CTF1: variants seen among roughly 807,000 people sequenced by gnomAD.
CTF1 encodes cardiotrophin 1, also known as cardiotrophin-1.
A neutral mutation model predicts 10.9 loss-of-function variants in CTF1; 9 were observed. That is an observed-to-expected ratio of 0.83 (90% CI 0.50 to 1.44). The LOEUF is 1.44. Among genes scored for constraint, CTF1 ranks in the 40% most tolerant of loss-of-function variants. CTF1 has a pLI of 0.00. For synonymous variants in CTF1, 133 were observed against 138.8 expected (o/e 0.96, Z 0.29); for missense variants, 259 against 275.3 (o/e 0.94, Z 0.42).
chr16:30,897,612 T>C (rs2055365403), intron 1 of CTF1, among the ~76,000 whole-genome samples: 1 of 152,128 alleles, frequency 6.6e-6, no homozygotes, highest in Non-Finnish European at 1.5e-5. Context: ...GGTCAACAGG[T>C]GGACCGCACA....
intron 1 of CTF1, among the ~76,000 whole-genome samples, chr16:30,897,356 A>G (rs1415493445): frequency 6.6e-6 from 1 of 152,192 alleles, no homozygotes; most frequent in Non-Finnish European, 1.5e-5. Flanking sequence ...GCACATTTTG[A>G]TATGAAGTTC....
Position 30,899,402 on chromosome 16 carries a change from C to G in CTF1, c.26-13C>G, listed in dbSNP as rs200729865. The G allele has an allele frequency of 1.9e-5, 30 of 1,554,272 alleles. No individual in the cohort carries two copies. Among genetic ancestry groups the G allele is most frequent in the African/African-American group, 1.2e-4 (9 of 73,570 alleles). ...AGGTTGGCCATCCTCATTCCTCCCC[C>G]CTTTCCCACCAGAAGACCCCCAGAC... On this transcript the variant is annotated splice_polypyrimidine_tract_variant and intron_variant, in intron 1 of 2. Coordinates refer to ENST00000279804, the MANE Select transcript of CTF1 (RefSeq NM_001330.5).
intron 2 of CTF1, among the ~76,000 whole-genome samples, chr16:30,900,253 C>T (rs970602312): frequency 6.6e-6 from 1 of 152,198 alleles, no homozygotes; most frequent in Admixed American, 6.5e-5. Flanking sequence ...TCACAGAAGA[C>T]AGGGATCTGC....
At chr16:30,896,511 A>T, upstream of CTF1, 1 of 829,066 alleles carries the variant, frequency 1.2e-6, no homozygotes, top group South Asian at 6.0e-5. Context: ...CCTGTCTCAA[A>T]AGGGGGGGTA....
In CTF1 at chr16:30,899,433, C is replaced by A; in HGVS notation, c.44C>A (p.Ser15Tyr). The change falls in exon 2 of 3, where the codon TCC (serine) becomes TAC (tyrosine). Residue 15 changes from serine (S) to tyrosine (Y), a missense_variant. Physicochemically the swap from Ser to Tyr is moderately radical, Grantham distance 144 (BLOSUM62 -2). Transcript: ENST00000279804. ...EGSLEDPQTDSSVSLLPHLEA... is the reference protein window; with the variant it reads ...EGSLEDPQTDYSVSLLPHLEA... ...CCACCAGAAGACCCCCAGACTGATT[C>A]CTCAGTCTCACTTCTTCCCCACTTG... 1 of 1,611,190 alleles carries A rather than the reference C, an allele frequency of 6.2e-7. No homozygotes were observed. Among genetic ancestry groups the A allele is most frequent in the Non-Finnish European group, 8.5e-7 (1 of 1,177,306 alleles).
rs2055407634 is a variant in CTF1, at chr16:30,902,217, C to A, written c.284C>A (p.Ala95Asp). ...ERLRLDAAAL[A>D]ALPPLLDAVC... The stretch of plus-strand genomic sequence containing the variant: ...CTGCGGCTGGACGCGGCGGCGCTGG[C>A]CGCGCTGCCCCCGCTGCTGGACGCA... The change falls in exon 3 of 3, where the codon GCC (alanine) becomes GAC (aspartate). Residue 95 changes from alanine (A) to aspartate (D), a missense_variant. Ala to Asp is a moderately radical substitution (Grantham distance 126). Transcript: ENST00000279804. The A allele has an allele frequency of 3.5e-6, 4 of 1,155,200 alleles. No homozygotes were observed. The highest frequency in any genetic ancestry group is 4.2e-5 in the East Asian group (1 of 23,908). 71.6% of individuals were successfully genotyped at this position (1,155,200 alleles called of 1,614,324 possible). A position where few individuals can be genotyped will look rare whatever the true frequency, so the allele number is the denominator to read the frequency against.
chr16:30,903,112 A>T lies in CTF1; in HGVS notation c.*573A>T, dbSNP rs1331382028. ...TCAGTTCCCTTTGGCCTCCCCCTTT[A>T]CCCAGCTCTTGGGGTGTCTCTGTTT... is the stretch of plus-strand genomic sequence containing the variant. On this transcript the variant is annotated 3_prime_UTR_variant, in exon 3 of 3. Transcript: ENST00000279804. 6.6e-6 allele frequency: 1 copy of T among 151,134 alleles called. No homozygotes were observed. The highest frequency in any genetic ancestry group is 1.5e-5 in the Non-Finnish European group (1 of 67,990). 9.4% of individuals were successfully genotyped at this position (151,134 alleles called of 1,614,324 possible). A position where few individuals can be genotyped will look rare whatever the true frequency, so the allele number is the denominator to read the frequency against.
upstream of CTF1, chr16:30,896,605 G>C (rs1392725078): frequency 8.0e-7 from 1 of 1,253,760 alleles, no homozygotes; most frequent in African/African-American, 1.6e-5. Flanking sequence ...CCCCTCGAAA[G>C]GGGGGCGTGA....
chr16:30,899,576 G>A (rs750353610), intron 2 of CTF1, 43 bp downstream of exon 2: 2 of 1,061,476 alleles, frequency 1.9e-6, no homozygotes, highest in East Asian at 2.4e-5. Flanking sequence ...CCTGGGGAAT[G>A]GGAGCAGACA....
chr16:30,898,007 A>G (rs1468668672), intron 1 of CTF1, among the ~76,000 whole-genome samples: 2 of 142,670 alleles, frequency 1.4e-5, no homozygotes, highest in Non-Finnish European at 3.1e-5. Context: ...GGCGTGTGCC[A>G]CCAAGTCCAG....
rs2055409690 is a variant in CTF1, at chr16:30,902,322, G to A, written c.389G>A (p.Arg130Gln). ...RRLEDAARQA[R>Q]ALGAAVEALL... ...CTGGAGGACGCGGCGCGCCAGGCCC[G>A]GGCCCTGGGCGCCGCCGTGGAGGCC... Residue 130 changes from arginine to glutamine, a missense_variant, in exon 3 of 3, where the codon CGG (arginine) becomes CAG (glutamine). Arg to Gln is a conservative substitution (Grantham distance 43). Coordinates refer to ENST00000279804, the MANE Select transcript of CTF1 (RefSeq NM_001330.5). The A allele has an allele frequency of 3.0e-6, 3 of 1,016,574 alleles. No homozygotes were observed. Among genetic ancestry groups the A allele is most frequent in the Non-Finnish European group, 3.5e-6 (3 of 853,526 alleles). The allele number at this position is 1,016,574 out of a possible 1,614,324, so 63.0% of individuals were successfully genotyped here. A position where few individuals can be genotyped will look rare whatever the true frequency, so the allele number is the denominator to read the frequency against.
intron 2 of CTF1, 47 bp from the exon 3 acceptor site, chr16:30,902,031 T>C: frequency 7.1e-7 from 1 of 1,407,178 alleles, no homozygotes; most frequent in Non-Finnish European, 9.3e-7. Flanking sequence ...AACAGCCCCC[T>C]GCCCGTGCTC....
At position 30,898,184 on chromosome 16, in the gene CTF1, C is replaced by T. The variant is rs1203944871; in HGVS notation, c.26-1231C>T. ...ACAATTTTTTTTTTTTTTTTTGAGA[C>T]GAAGTCTCGGTCTGTCACCCAGGCT... On this transcript the variant is annotated intron_variant, in intron 1 of 2. Transcript: ENST00000279804. Among the ~76,000 whole-genome samples the T allele has an allele frequency of 3.5e-4, 49 of 138,962 alleles. 1 individual carries two copies. The highest frequency in any genetic ancestry group is 1.1e-3 in the African/African-American group (41 of 37,058). 91.2% of individuals were successfully genotyped at this position (138,962 alleles called of 152,430 possible). A position where few individuals can be genotyped will look rare whatever the true frequency, so the allele number is the denominator to read the frequency against.
chr16:30,897,830 G>A (rs2055367104), intron 1 of CTF1, among the ~76,000 whole-genome samples: 1 of 152,090 alleles, frequency 6.6e-6, no homozygotes, highest in South Asian at 2.1e-4. Context: ...ACCCCATCCT[G>A]GGCGAAAGAG....
intron 2 of CTF1, among the ~76,000 whole-genome samples, chr16:30,901,812 G>C (rs1426426180): frequency 1.4e-5 from 2 of 147,204 alleles, no homozygotes; most frequent in African/African-American, 5.0e-5. Flanking sequence ...TCGAACCCCT[G>C]GGCTCAAGTG....
At position 30,902,458 on chromosome 16, in the gene CTF1, C is replaced by T; in HGVS notation, c.525C>T (p.Leu175=). The change falls in exon 3 of 3, where the codon CTC becomes CTT. Residue 175 remains leucine (L), a synonymous_variant. Coordinates refer to ENST00000279804, the MANE Select transcript of CTF1 (RefSeq NM_001330.5). ...TCTTCCCCGCCAAGGTGCTGGGGCT[C>T]CGCGTTTGCGGCCTCTACCGCGAGT... ...TGVFPAKVLG[L]RVCGLYREWL... 6.8e-7 allele frequency: 1 copy of T among 1,472,852 alleles called. No homozygotes were observed. The highest frequency in any genetic ancestry group is 9.0e-7 in the Non-Finnish European group (1 of 1,115,778). The allele number at this position is 1,472,852 out of a possible 1,614,324, so 91.2% of individuals were successfully genotyped here.
chr16:30,899,542 GA>G lies in CTF1; in HGVS notation c.144+11del. The G allele has an allele frequency of 1.3e-6, 1 of 783,010 alleles. No homozygotes were observed. Among genetic ancestry groups the G allele is most frequent in the Non-Finnish European group, 2.1e-6 (1 of 473,548 alleles). The allele number at this position is 783,010 out of a possible 1,614,324, so 48.5% of individuals were successfully genotyped here. ...AGCTGCTCCAGGAATATGTGAGTGG[GA>G]ATGGGGGTGGGGGTGCCGGGGGCCT... On this transcript the variant is annotated intron_variant, in intron 2 of 2. Transcript: ENST00000279804.
chr16:30,899,961 C>A (rs2055387788), intron 2 of CTF1, among the ~76,000 whole-genome samples: 1 of 152,184 alleles, frequency 6.6e-6, no homozygotes, highest in Admixed American at 6.6e-5. Flanking sequence ...CTGTATTGCC[C>A]AGGCTGGTCT....
At position 30,902,176 on chromosome 16, in the gene CTF1, G is replaced by C; in HGVS notation, c.243G>C (p.Leu81=). 2 of 1,251,256 alleles carry C rather than the reference G, an allele frequency of 1.6e-6. No homozygotes were observed. The highest frequency in any genetic ancestry group is 2.0e-6 in the Non-Finnish European group (2 of 998,654). The allele number at this position is 1,251,256 out of a possible 1,614,324, so 77.5% of individuals were successfully genotyped here. A position where few individuals can be genotyped will look rare whatever the true frequency, so the allele number is the denominator to read the frequency against. Reference sequence around the variant, plus strand: ...CCCCGGCTCCGAGCCACGCGGGGCTGCCAGTGCACGAGCGGCTGCGGCTGG... The same window carrying C: ...CCCCGGCTCCGAGCCACGCGGGGCTCCCAGTGCACGAGCGGCTGCGGCTGG... ...LSAPAPSHAG[L]PVHERLRLDA... Residue 81 remains leucine, a synonymous_variant, in exon 3 of 3, where the codon CTG becomes CTC. Coordinates refer to ENST00000279804, the MANE Select transcript of CTF1 (RefSeq NM_001330.5).
Sources: allele counts gnomAD v4.1 joint callset (sites outside exome capture counted in the v4.1 genomes callset), GRCh38; gene constraint gnomAD v4.1.1; transcripts MANE v1.5; gene names NCBI Gene and HGNC (gene_info 2026-07-23, HGNC 2026-07-21).